CBLN3: variants seen among roughly 807,000 people sequenced by gnomAD.
CBLN3 encodes cerebellin-3.
A neutral mutation model predicts 17.4 loss-of-function variants in CBLN3; 14 were observed. The ratio of observed to expected loss-of-function variants is 0.81; its 90% CI spans 0.53 to 1.26. The LOEUF (loss-of-function observed/expected upper bound fraction) is 1.26. Among genes scored for constraint, CBLN3 ranks in the 50% most tolerant of loss-of-function variants. CBLN3 has a pLI of 0.00. For synonymous variants in CBLN3, 129 were observed against 117.4 expected (o/e 1.10, Z -0.64); for missense variants, 263 against 268.5 (o/e 0.98, Z 0.14).
chr14:24,428,008 G>T (rs748180106), intron 2 of CBLN3, 22 bp from the exon 3 acceptor site: 1 of 1,606,754 alleles, frequency 6.2e-7, no homozygotes, highest in South Asian at 1.1e-5. Context: ...AGCCCAGTTA[G>T]CCCCCATTCC....
chr14:24,428,743 T>A lies in CBLN3; in HGVS notation c.300+12A>T, dbSNP rs1325461951. ...TCTTTCCAGGTCCCCTGGACAGGGG[T>A]AGGGGGATTACCTGGTCGAAGTAGA... On this transcript the variant is annotated intron_variant, in intron 1 of 2. Transcript: ENST00000267406. 1 of 1,570,598 alleles carries A rather than the reference T, an allele frequency of 6.4e-7. No individual in the cohort carries two copies. Among genetic ancestry groups the A allele is most frequent in the Non-Finnish European group, 8.7e-7 (1 of 1,154,708 alleles).
At position 24,429,118 on chromosome 14, in the gene CBLN3, C is replaced by G. The variant is rs1308638649; in HGVS notation, c.-64G>C. The G allele has an allele frequency of 6.9e-7, 1 of 1,443,790 alleles. No homozygotes were observed. Among genetic ancestry groups the G allele is most frequent in the Non-Finnish European group, 9.2e-7 (1 of 1,089,810 alleles). 89.4% of individuals were successfully genotyped at this position (1,443,790 alleles called of 1,614,324 possible). A position where few individuals can be genotyped will look rare whatever the true frequency, so the allele number is the denominator to read the frequency against. ...CTGCCCCTCTTCTGTTTCCGCTCCT[C>G]TCCCTGGATTCTCACCGCCGGCACC... On this transcript the variant is annotated 5_prime_UTR_variant, in exon 1 of 3. Transcript: ENST00000267406.
At position 24,427,374 on chromosome 14, in the gene CBLN3, G is replaced by A; in HGVS notation, c.*415C>T. Reference sequence around the variant, plus strand: ...TCACAGGAAGAAGCCTGCAGGGTACGCTGAGGCTTGTCCATCTGGGCTCCT... The same window carrying A: ...TCACAGGAAGAAGCCTGCAGGGTACACTGAGGCTTGTCCATCTGGGCTCCT... On this transcript the variant is annotated 3_prime_UTR_variant, in exon 3 of 3. Transcript: ENST00000267406. The surrounding 1 kb of genome is among the most constrained non-coding windows in gnomAD (Gnocchi z 4.4). The A allele has an allele frequency of 9.8e-6, 2 of 203,402 alleles. No homozygotes were observed. The highest frequency in any genetic ancestry group is 2.0e-5 in the Non-Finnish European group (2 of 99,444). 12.6% of individuals were successfully genotyped at this position (203,402 alleles called of 1,614,324 possible).
rs192378830 is a variant in CBLN3 at position 24,427,373 on chromosome 14, C to G, written c.*416G>C. 17 of 200,152 alleles carry G rather than the reference C, an allele frequency of 8.5e-5. No individual in the cohort carries two copies. The highest frequency in any genetic ancestry group is 3.2e-4 in the Admixed American group (6 of 18,570). 12.4% of individuals were successfully genotyped at this position (200,152 alleles called of 1,614,324 possible). On this transcript the variant is annotated 3_prime_UTR_variant, in exon 3 of 3. Transcript: ENST00000267406. This position sits in a 1 kb window ranked among gnomAD's most constrained non-coding sequence, Gnocchi z 4.4. The stretch of plus-strand genomic sequence containing the variant: ...CTCACAGGAAGAAGCCTGCAGGGTA[C>G]GCTGAGGCTTGTCCATCTGGGCTCC...
intron 2 of CBLN3, 127 bp from the exon 3 acceptor site, chr14:24,428,113 A>C (rs940231495): frequency 5.9e-5 from 77 of 1,312,584 alleles, no homozygotes; most frequent in Non-Finnish European, 8.0e-5. Flanking sequence ...AGGGGCGGCC[A>C]GCATTGGACT....
In CBLN3 at chr14:24,426,837, G is replaced by C. The variant is rs149547263; in HGVS notation, c.*952C>G. The C allele has an allele frequency of 6.6e-6, 1 of 152,482 alleles. No individual in the cohort carries two copies. Among genetic ancestry groups the C allele is most frequent in the East Asian group, 1.9e-4 (1 of 5,180 alleles). 9.4% of individuals were successfully genotyped at this position (152,482 alleles called of 1,614,324 possible). On this transcript the variant is annotated 3_prime_UTR_variant, in exon 3 of 3. Coordinates refer to ENST00000267406, the MANE Select transcript of CBLN3 (RefSeq NM_001039771.3). ...AGGAGAATAAGACAGCACAGATCAG[G>C]AGAAAGAGAGATAGTGGGGATATGC...
chr14:24,428,009 C>A, intron 2 of CBLN3, 23 bp from the exon 3 acceptor site: 2 of 1,604,630 alleles, frequency 1.2e-6, no homozygotes, highest in Non-Finnish European at 1.7e-6. Flanking sequence ...GCCCAGTTAG[C>A]CCCCATTCCC....
chr14:24,428,709 C>CTTGCAGGGTCT (rs762804814), intron 1 of CBLN3, 46 bp downstream of exon 1: 40 of 1,524,538 alleles, frequency 2.6e-5, no homozygotes, highest in Non-Finnish European at 3.2e-5. Flanking sequence ...CTTCCAGGTC[C>CTTGCAGGGTCT]TTGCAGGGTC....
chr14:24,429,144 C>A lies in CBLN3; in HGVS notation c.-90G>T, dbSNP rs2043059236. 3 of 1,370,146 alleles carry A rather than the reference C, an allele frequency of 2.2e-6. No individual in the cohort carries two copies. The highest frequency in any genetic ancestry group is 1.5e-5 in the South Asian group (1 of 68,042). The allele number at this position is 1,370,146 out of a possible 1,614,324, so 84.9% of individuals were successfully genotyped here. A position where few individuals can be genotyped will look rare whatever the true frequency, so the allele number is the denominator to read the frequency against. On this transcript the variant is annotated 5_prime_UTR_variant, in exon 1 of 3. It adds an upstream start codon to the 5' untranslated region. Coordinates refer to ENST00000267406, the MANE Select transcript of CBLN3 (RefSeq NM_001039771.3). ...TCCCTGGATTCTCACCGCCGGCACCCTGATCGTCTGCCCTCTCTAGGCTCG... is the reference window on the plus strand; with the variant it reads ...TCCCTGGATTCTCACCGCCGGCACCATGATCGTCTGCCCTCTCTAGGCTCG...
chr14:24,428,344 C>G lies in CBLN3; in HGVS notation c.362G>C (p.Arg121Pro), dbSNP rs1268234052. 6 of 1,613,812 alleles carry G rather than the reference C, an allele frequency of 3.7e-6. No individual in the cohort carries two copies. The highest frequency in any genetic ancestry group is 1.3e-5 in the African/African-American group (1 of 74,906). ...ATGGAACCGGAAGCTGTAGACACCC[C>G]GGACAGGGGCTACGAAGGAGCCAGA... ...RASGSFVAPV[R>P]GVYSFRFHVV... is the part of the protein sequence containing the mutation. The change falls in exon 2 of 3, where the codon CGG becomes CCG. Residue 121 changes from arginine to proline, a missense_variant. Coordinates refer to ENST00000267406, the MANE Select transcript of CBLN3 (RefSeq NM_001039771.3).
Position 24,429,219 on chromosome 14 carries a change from C to G in CBLN3, c.-165G>C, listed in dbSNP as rs574507771. ...TCCCAGCTCTGTCCTGCCTCCCACT[C>G]TTACTCCTGCTGTCACTGCAGTTCC... is the stretch of plus-strand genomic sequence containing the variant. On this transcript the variant is annotated 5_prime_UTR_variant, in exon 1 of 3. Transcript: ENST00000267406. 1 of 712,796 alleles carries G rather than the reference C, an allele frequency of 1.4e-6. No homozygotes were observed. Among genetic ancestry groups the G allele is most frequent in the Admixed American group, 2.7e-5 (1 of 36,590 alleles). The allele number at this position is 712,796 out of a possible 1,614,324, so 44.2% of individuals were successfully genotyped here. A position where few individuals can be genotyped will look rare whatever the true frequency, so the allele number is the denominator to read the frequency against.
At position 24,429,363 on chromosome 14, in the gene CBLN3, G is replaced by A; in HGVS notation, c.-309C>T. On this transcript the variant is annotated 5_prime_UTR_variant, in exon 1 of 3. Transcript: ENST00000267406. ...CCAGAGCTTCAGGGCAGCCCTGCTG[G>A]ATGGGACAGCACTGAGGGCTGGACC... The A allele has an allele frequency of 1.6e-6, 1 of 627,882 alleles. No homozygotes were observed. Among genetic ancestry groups the A allele is most frequent in the Non-Finnish European group, 3.0e-6 (1 of 337,952 alleles). The allele number at this position is 627,882 out of a possible 1,614,324, so 38.9% of individuals were successfully genotyped here. A position where few individuals can be genotyped will look rare whatever the true frequency, so the allele number is the denominator to read the frequency against.
At chr14:24,428,088 C>T (rs1243862910) in intron 2 of CBLN3, 102 bp from the exon 3 acceptor site, 15 of 1,391,676 alleles carry the variant, frequency 1.1e-5, no homozygotes, top group Non-Finnish European at 3.0e-6. Context: ...TTAATGGGCT[C>T]TCCCGGGAGG....
At position 24,426,831 on chromosome 14, in the gene CBLN3, G is replaced by C. The variant is rs750117920; in HGVS notation, c.*958C>G. On this transcript the variant is annotated 3_prime_UTR_variant, in exon 3 of 3. Transcript: ENST00000267406. ...CTAAGGAGGAGAATAAGACAGCACA[G>C]ATCAGGAGAAAGAGAGATAGTGGGG... The C allele has an allele frequency of 1.3e-5, 2 of 152,340 alleles. No individual in the cohort carries two copies. Among genetic ancestry groups the C allele is most frequent in the Non-Finnish European group, 2.9e-5 (2 of 68,140 alleles). The allele number at this position is 152,340 out of a possible 1,614,324, so 9.4% of individuals were successfully genotyped here.
chr14:24,427,981 G>A lies in CBLN3; in HGVS notation c.426C>T (p.Ser142=), dbSNP rs756547814. 2.5e-6 allele frequency: 4 copies of A among 1,612,998 alleles called. No homozygotes were observed. The highest frequency in any genetic ancestry group is 3.4e-6 in the Non-Finnish European group (4 of 1,179,702). ...KVYNRQTVQV[S]LMLNTWPVIS... ...TGACAGGCCACGTGTTCAGCATCAG[G>A]CTCACCTGGGGAGGGGAGCCCAGTT... Residue 142 remains serine (S), a synonymous_variant, in exon 3 of 3, where the codon AGC becomes AGT. Coordinates refer to ENST00000267406, the MANE Select transcript of CBLN3 (RefSeq NM_001039771.3). This position sits in a 1 kb window ranked among gnomAD's most constrained non-coding sequence, Gnocchi z 4.4.
rs145699313 is a variant in CBLN3 at position 24,428,843 on chromosome 14, C to A, written c.212G>T (p.Arg71Leu). ...GAALGEAPPGRVAFAAVRSHH... is the reference protein window; with the variant it reads ...GAALGEAPPGLVAFAAVRSHH... ...GCTTCGGACCGCAGCAAATGCCACT[C>A]GCCCAGGGGGTGCCTCTCCCAGGGC... Residue 71 changes from arginine to leucine, a missense_variant, in exon 1 of 3, where the codon CGA becomes CTA. By Grantham distance (102) the Arg-to-Leu change is moderately radical. Coordinates refer to ENST00000267406, the MANE Select transcript of CBLN3 (RefSeq NM_001039771.3). 6.2e-7 allele frequency: 1 copy of A among 1,612,548 alleles called. No homozygotes were observed. Among genetic ancestry groups the A allele is most frequent in the Non-Finnish European group, 8.5e-7 (1 of 1,179,438 alleles).
intron 1 of CBLN3, 25 bp downstream of exon 1, chr14:24,428,730 C>T: frequency 6.5e-7 from 1 of 1,549,620 alleles, no homozygotes; most frequent in Non-Finnish European, 8.7e-7. Context: ...TTTCCAGGTC[C>T]CCTGGACAGG....
rs767729762 is a variant in CBLN3, at chr14:24,428,761, G to A, written c.294C>T (p.Phe98=). 4 of 1,587,118 alleles carry A rather than the reference G, an allele frequency of 2.5e-6. No individual in the cohort carries two copies. Among genetic ancestry groups the A allele is most frequent in the Admixed American group, 1.7e-5 (1 of 58,686 alleles). ...TGNGTSGAIY[F]DQVLVNEGGG... ...ACAGGGGTAGGGGGATTACCTGGTC[G>A]AAGTAGATGGCCCCACTGGTGCCAT... The change falls in exon 1 of 3, where the codon TTC becomes TTT. Residue 98 remains phenylalanine (F), a synonymous_variant. Coordinates refer to ENST00000267406, the MANE Select transcript of CBLN3 (RefSeq NM_001039771.3).
At position 24,427,884 on chromosome 14, in the gene CBLN3, G is replaced by A; in HGVS notation, c.523C>T (p.Pro175Ser). Residue 175 changes from proline (P) to serine (S), a missense_variant, in exon 3 of 3, where the codon CCT (proline) becomes TCT (serine). Physicochemically the swap from Pro to Ser is moderately conservative, Grantham distance 74 (BLOSUM62 -1). Coordinates refer to ENST00000267406, the MANE Select transcript of CBLN3 (RefSeq NM_001039771.3). The surrounding 1 kb of genome is among the most constrained non-coding windows in gnomAD (Gnocchi z 4.4). ...ATSSVLLPLDPGDRVSLRLRR... is the reference protein window; with the variant it reads ...ATSSVLLPLDSGDRVSLRLRR... ...AGGCGCAGAGACACTCGGTCCCCAGGGTCCAAGGGCAGTAGCACAGAGCTG... is the reference window on the plus strand; with the variant it reads ...AGGCGCAGAGACACTCGGTCCCCAGAGTCCAAGGGCAGTAGCACAGAGCTG... The A allele has an allele frequency of 6.2e-7, 1 of 1,614,084 alleles. No homozygotes were observed. The highest frequency in any genetic ancestry group is 8.5e-7 in the Non-Finnish European group (1 of 1,179,990).
Sources: gnomAD v4.1 joint callset for allele counts on GRCh38, gnomAD v4.1.1 for gene constraint, Gnocchi (gnomAD v3.1) non-coding constraint, MANE v1.5 for transcripts, NCBI Gene and HGNC (gene_info 2026-07-23, HGNC 2026-07-21) for gene names.